Variants in OXCT1 observed in about 807,000 individuals in gnomAD.
OXCT1 encodes the protein 3-oxoacid CoA-transferase 1.
Under a neutral mutation model 69.6 loss-of-function variants are expected in OXCT1, and 27 were observed. That is an observed-to-expected ratio of 0.39 (90% CI 0.29 to 0.54). The LOEUF (loss-of-function observed/expected upper bound fraction) is 0.54, where lower values mean the gene tolerates loss of function less well. Ranked by LOEUF, OXCT1 falls within the 20% of genes least tolerant of loss-of-function variation. The pLI is 0.72. For missense variants in OXCT1, 437 were observed against 650.2 expected (o/e 0.67, Z 3.57); for synonymous variants, 202 against 217.8 (o/e 0.93, Z 0.64).
intron 5 of OXCT1, 86 bp downstream of exon 5, chr5:41,849,944 T>TTATA: frequency 7.4e-7 from 1 of 1,357,938 alleles, no homozygotes; most frequent in South Asian, 1.2e-5. Flanking sequence ...ATAGAGGTGA[T>TTATA]TTTATACTTA....
intron 5 of OXCT1, among the ~76,000 whole-genome samples, chr5:41,848,053 CCTT>C (rs1439435378): frequency 6.8e-6 from 1 of 146,032 alleles, no homozygotes; most frequent in African/African-American, 2.5e-5. Flanking sequence ...CCCAAAATCT[CCTT>C]AAGCTGATAA....
chr5:41,791,451 A>T (rs866292446), intron 13 of OXCT1, among the ~76,000 whole-genome samples: 2 of 152,254 alleles, frequency 1.3e-5, no homozygotes, highest in South Asian at 2.1e-4. Flanking sequence ...TTGTATTTTA[A>T]TCATTCACAG....
intron 7 of OXCT1, among the ~76,000 whole-genome samples, chr5:41,832,929 T>G (rs1239475009): frequency 6.6e-6 from 1 of 152,068 alleles, no homozygotes; most frequent in Non-Finnish European, 1.5e-5. Context: ...ATCACTAAGC[T>G]TGAAGACAGG....
At chr5:41,846,319 C>A (rs1490460784) in intron 5 of OXCT1, among the ~76,000 whole-genome samples, 1 of 131,342 alleles carries the variant, frequency 7.6e-6, no homozygotes, top group Non-Finnish European at 1.6e-5. Flanking sequence ...GTGTGATGTT[C>A]CCCTTCCTGT....
At chr5:41,814,158 G>A (rs981847388) in intron 7 of OXCT1, among the ~76,000 whole-genome samples, 4 of 151,776 alleles carry the variant, frequency 2.6e-5, no homozygotes, top group African/African-American at 9.7e-5. Context: ...AAACTAAACA[G>A]CACATTTATC....
At chr5:41,830,174 A>G (rs535850053) in intron 7 of OXCT1, among the ~76,000 whole-genome samples, 95 of 152,302 alleles carry the variant, frequency 6.2e-4, no homozygotes, top group African/African-American at 2.2e-3. Context: ...TATATAATTT[A>G]CCATGTCTAA....
intron 15 of OXCT1, 59 bp downstream of exon 15, chr5:41,749,468 C>A (rs1743658856): frequency 1.8e-6 from 2 of 1,103,118 alleles, no homozygotes; most frequent in South Asian, 1.3e-5. Flanking sequence ...TAGAAGGTAA[C>A]AAAACTTTCT....
At chr5:41,734,279 T>C (rs1193294091) in intron 16 of OXCT1, among the ~76,000 whole-genome samples, 1 of 152,208 alleles carries the variant, frequency 6.6e-6, no homozygotes, top group Non-Finnish European at 1.5e-5. Flanking sequence ...TAACACATAA[T>C]GTTTAAATAT....
At chr5:41,846,080 C>A (rs1561124815) in intron 5 of OXCT1, among the ~76,000 whole-genome samples, 1 of 152,000 alleles carries the variant, frequency 6.6e-6, no homozygotes, top group Admixed American at 6.6e-5. Context: ...TTTCTGCCTT[C>A]CAATCCAGAA....
At chr5:41,828,131 G>C (rs538310254) in intron 7 of OXCT1, among the ~76,000 whole-genome samples, 1 of 152,074 alleles carries the variant, frequency 6.6e-6, no homozygotes, top group Non-Finnish European at 1.5e-5. Flanking sequence ...TTTTGAGATG[G>C]AGTTTTGCTC....
chr5:41,830,248 G>A (rs1748030889), intron 7 of OXCT1, among the ~76,000 whole-genome samples: 2 of 152,194 alleles, frequency 1.3e-5, no homozygotes, highest in African/African-American at 4.8e-5. Flanking sequence ...TAGCACTTAG[G>A]AAGGTGATAG....
intron 13 of OXCT1, among the ~76,000 whole-genome samples, chr5:41,783,027 T>A (rs1745485785): frequency 6.6e-6 from 1 of 152,214 alleles, no homozygotes; most frequent in African/African-American, 2.4e-5. Context: ...TTGCAGTTTA[T>A]GAAAAGAATC....
chr5:41,766,869 A>G (rs967224303), intron 13 of OXCT1, among the ~76,000 whole-genome samples: 1 of 152,198 alleles, frequency 6.6e-6, no homozygotes, highest in Non-Finnish European at 1.5e-5. Context: ...GCTATATGCC[A>G]TAGTAGAAAG....
intron 13 of OXCT1, among the ~76,000 whole-genome samples, chr5:41,778,164 T>G (rs929471069): frequency 4.6e-5 from 7 of 152,204 alleles, no homozygotes; most frequent in African/African-American, 1.7e-4. Flanking sequence ...TAACTATATT[T>G]AGAAATTGGT....
At chr5:41,787,375 A>G (rs1218474096) in intron 13 of OXCT1, among the ~76,000 whole-genome samples, 5 of 152,104 alleles carry the variant, frequency 3.3e-5, no homozygotes, top group Non-Finnish European at 7.4e-5. Context: ...TAGGTCTACA[A>G]TTTCCCCCAG....
At chr5:41,776,862 T>G (rs1255548648) in intron 13 of OXCT1, among the ~76,000 whole-genome samples, 6 of 152,094 alleles carry the variant, frequency 3.9e-5, no homozygotes, top group Non-Finnish European at 8.8e-5. Flanking sequence ...TGATAGAGCT[T>G]TGGAAAAAAA....
chr5:41,738,757 A>G (rs1213892584), intron 16 of OXCT1, among the ~76,000 whole-genome samples: 1 of 152,234 alleles, frequency 6.6e-6, no homozygotes, highest in African/African-American at 2.4e-5. Flanking sequence ...TTAAAGAGCA[A>G]TTATTTATAT....
At chr5:41,807,273 G>A (rs1436935851) in intron 8 of OXCT1, 58 bp downstream of exon 8, 6 of 926,868 alleles carry the variant, frequency 6.5e-6, no homozygotes, top group South Asian at 5.2e-5. Context: ...TGGCCCCAGG[G>A]ATGCACTATC....
chr5:41,763,382 G>A (rs755214057), intron 13 of OXCT1, among the ~76,000 whole-genome samples: 8 of 152,190 alleles, frequency 5.3e-5, no homozygotes, highest in East Asian at 1.9e-4. Context: ...GTTTCAGACC[G>A]TTTGAAGCAG....
Sources: allele counts gnomAD v4.1 joint callset (sites outside exome capture counted in the v4.1 genomes callset), GRCh38; gene constraint gnomAD v4.1.1; transcripts MANE v1.5; gene names NCBI Gene and HGNC (gene_info 2026-07-23, HGNC 2026-07-21).